EBF2: variants seen among roughly 807,000 people sequenced by gnomAD.
The protein encoded by EBF2 is transcription factor COE2.
In EBF2, 21 loss-of-function variants were observed where a neutral mutation model predicts 72.8. That is an observed-to-expected ratio of 0.29 (90% CI 0.20 to 0.42). The LOEUF (loss-of-function observed/expected upper bound fraction) is 0.42, where lower values mean the gene tolerates loss of function less well. Ranked by LOEUF, EBF2 falls within the 10% of genes least tolerant of loss-of-function variation. The pLI is 1.00. For synonymous variants in EBF2, 299 were observed against 274.2 expected, an observed-to-expected ratio of 1.09 and a Z score of -0.89; for missense variants, 637 against 731.2, an observed-to-expected ratio of 0.87 and a Z score of 1.49.
intron 10 of EBF2, among the ~76,000 whole-genome samples, chr8:25,879,404 A>C (rs942407753): frequency 6.6e-6 from 1 of 152,214 alleles, no homozygotes; most frequent in African/African-American, 2.4e-5. Flanking sequence ...CTAGGCAGAC[A>C]TTTCTAGAAG....
At chr8:25,964,216 C>T (rs1425785924) in intron 6 of EBF2, among the ~76,000 whole-genome samples, 5 of 152,044 alleles carry the variant, frequency 3.3e-5, no homozygotes, top group South Asian at 2.1e-4. Context: ...ATAGGAATGA[C>T]GAGAGCTTCG....
intron 7 of EBF2, among the ~76,000 whole-genome samples, chr8:25,896,708 C>A (rs1215707918): frequency 6.6e-6 from 1 of 152,156 alleles, no homozygotes; most frequent in East Asian, 1.9e-4. Context: ...CTATGGCGAG[C>A]GACCAAGCTG....
chr8:25,920,776 T>G (rs1803294666), intron 6 of EBF2, among the ~76,000 whole-genome samples: 1 of 152,184 alleles, frequency 6.6e-6, no homozygotes, highest in African/African-American at 2.4e-5. Context: ...CAGGAGGATT[T>G]TCCTCCATTC....
At chr8:26,006,977 A>G (rs569975272) in intron 6 of EBF2, among the ~76,000 whole-genome samples, 178 of 152,320 alleles carry the variant, frequency 1.2e-3, no homozygotes, top group African/African-American at 4.2e-3. Flanking sequence ...ACCTCAACAG[A>G]AGGGATAAAT....
intron 6 of EBF2, among the ~76,000 whole-genome samples, chr8:25,978,863 C>A (rs1225027998): frequency 6.6e-6 from 1 of 152,148 alleles, no homozygotes; most frequent in Non-Finnish European, 1.5e-5. Flanking sequence ...ATGCCAAAGA[C>A]GTGCATTATG....
At chr8:26,008,593 G>T (rs199653617) in intron 6 of EBF2, among the ~76,000 whole-genome samples, 1 of 152,046 alleles carries the variant, frequency 6.6e-6, no homozygotes, top group South Asian at 2.1e-4. Context: ...AAAAATTCTC[G>T]ATTGCAAAGT....
intron 6 of EBF2, among the ~76,000 whole-genome samples, chr8:25,975,691 A>T (rs1484474968): frequency 1.3e-5 from 2 of 152,260 alleles, no homozygotes; most frequent in South Asian, 2.1e-4. Flanking sequence ...AACCTGCAGG[A>T]TTATGTTAAA....
At chr8:25,954,822 CTGG>C (rs1803917473) in intron 6 of EBF2, among the ~76,000 whole-genome samples, 1 of 152,200 alleles carries the variant, frequency 6.6e-6, no homozygotes, top group Non-Finnish European at 1.5e-5. Flanking sequence ...CCCCGCAGTG[CTGG>C]AGGACATGGA....
chr8:25,889,987 C>A, intron 7 of EBF2, 118 bp from the exon 8 acceptor site: 2 of 815,904 alleles, frequency 2.5e-6, no homozygotes, highest in South Asian at 1.4e-5. Context: ...GGAGATGGGA[C>A]AGAACTTGGG....
intron 6 of EBF2, among the ~76,000 whole-genome samples, chr8:25,912,554 G>GAGA (rs1349268645): frequency 1.3e-5 from 2 of 151,212 alleles, no homozygotes; most frequent in African/African-American, 4.9e-5. Flanking sequence ...GCTTCTTGAA[G>GAGA]AGACTGCAGT....
intron 7 of EBF2, among the ~76,000 whole-genome samples, chr8:25,907,419 C>CAAAAAAAAAAA (rs55695734): frequency 6.9e-5 from 2 of 28,894 alleles, no homozygotes; most frequent in Non-Finnish European, 1.3e-4. Flanking sequence ...GACCCTGCCT[C>CAAAAAAAAAAA]AAAAAAAAAA....
chr8:25,962,544 T>TA (rs542805714), intron 6 of EBF2, among the ~76,000 whole-genome samples: 7,535 of 143,706 alleles, frequency 0.052, 306 homozygotes, highest in African/African-American at 0.12. Context: ...TGACCAAAAT[T>TA]AAAAAAAAAA....
chr8:25,871,607 C>G (rs1367032201), intron 10 of EBF2, among the ~76,000 whole-genome samples: 2 of 152,142 alleles, frequency 1.3e-5, no homozygotes, highest in African/African-American at 2.4e-5. Flanking sequence ...AGAGAGAAAA[C>G]TCAGACATGA....
intron 7 of EBF2, among the ~76,000 whole-genome samples, chr8:25,890,851 T>A (rs1470545690): frequency 6.6e-6 from 1 of 152,230 alleles, no homozygotes; most frequent in Non-Finnish European, 1.5e-5. Flanking sequence ...GAAGCACTTC[T>A]AGATGCAAGC....
intron 15 of EBF2, among the ~76,000 whole-genome samples, chr8:25,849,691 T>C (rs1354448430): frequency 6.6e-6 from 1 of 152,166 alleles, no homozygotes; most frequent in African/African-American, 2.4e-5. Context: ...ATTTTTCATA[T>C]ACTCATCACA....
chr8:26,040,455 A>C (rs1485189272), intron 4 of EBF2, among the ~76,000 whole-genome samples, 161 bp downstream of exon 4: 3 of 151,900 alleles, frequency 2.0e-5, no homozygotes, highest in Admixed American at 6.6e-5. Flanking sequence ...AAAAAAAAAA[A>C]AATCTTCCCT....
At chr8:25,852,848 T>TAAAACAACACCGTAAGAG (rs1802010518) in intron 14 of EBF2, among the ~76,000 whole-genome samples, 2 of 151,656 alleles carry the variant, frequency 1.3e-5, no homozygotes, top group Non-Finnish European at 3.0e-5. Flanking sequence ...ATCTGTTTCA[T>TAAAACAACACCGTAAGAG]AAAACAACAC....
At chr8:25,952,195 C>G (rs1488487988) in intron 6 of EBF2, among the ~76,000 whole-genome samples, 3 of 152,100 alleles carry the variant, frequency 2.0e-5, no homozygotes, top group Non-Finnish European at 4.4e-5. Context: ...ACTCAGGAGA[C>G]TGAGGCAAGA....
intron 6 of EBF2, among the ~76,000 whole-genome samples, chr8:26,009,128 A>C (rs1416667648): frequency 1.9e-3 from 4 of 2,096 alleles, no homozygotes; most frequent in Non-Finnish European, 3.1e-3. Flanking sequence ...AAAAAAAAAA[A>C]AACCACCATG....
Sources: gnomAD v4.1 joint callset for allele counts (sites outside exome capture counted in the v4.1 genomes callset) on GRCh38, gnomAD v4.1.1 for gene constraint, MANE v1.5 for transcripts, NCBI Gene and HGNC (gene_info 2026-07-23, HGNC 2026-07-21) for gene names.